NKAIN2: variants seen among roughly 807,000 people sequenced by gnomAD.
NKAIN2 encodes sodium/potassium transporting ATPase interacting 2, also known as sodium/potassium-transporting ATPase subunit beta-1-interacting protein 2.
NKAIN2 carries 14 observed loss-of-function variants against 32.6 expected under a neutral mutation model. The ratio of observed to expected loss-of-function variants is 0.43; its 90% CI spans 0.28 to 0.67. The LOEUF (loss-of-function observed/expected upper bound fraction) is 0.67, where lower values mean the gene tolerates loss of function less well. Among genes scored for constraint, NKAIN2 ranks in the 30% least tolerant of loss-of-function variants. NKAIN2 has a pLI of 0.17. For synonymous variants in NKAIN2, 80 were observed against 87.2 expected (o/e 0.92, Z 0.46); for missense variants, 198 against 258.3 (o/e 0.77, Z 1.60).
At chr6:124,661,820 G>C (rs1465409213) in intron 4 of NKAIN2, among the ~76,000 whole-genome samples, 1 of 152,166 alleles carries the variant, frequency 6.6e-6, no homozygotes, top group Non-Finnish European at 1.5e-5. Context: ...TAAAATAAAT[G>C]TATGTGGGGA....
At position 124,501,519 on chromosome 6, in the gene NKAIN2, G is replaced by A. The variant is rs377309400; in HGVS notation, c.273+146172G>A. Among the ~76,000 whole-genome samples, 35 of 152,236 alleles carry A rather than the reference G, an allele frequency of 2.3e-4. No homozygotes were observed. The South Asian group carries it at 6.0e-3, about 26-fold the overall frequency. Reference sequence around the variant, plus strand: ...CCTACTGTAGCGTGGAAGGTAGTTCGGTCCACTATCCCTCAGCCCCTAACT... The same window carrying A: ...CCTACTGTAGCGTGGAAGGTAGTTCAGTCCACTATCCCTCAGCCCCTAACT... On this transcript the variant is annotated intron_variant, in intron 3 of 6. Transcript: ENST00000368417.
rs574009011 is a variant in NKAIN2 at position 124,147,575 on chromosome 6, A to G, written c.55-135430A>G. Among the ~76,000 whole-genome samples, 79 of 152,276 alleles carry G rather than the reference A, an allele frequency of 5.2e-4. 2 individuals carry two copies. In the South Asian group the frequency reaches 0.016, roughly 32 times the overall value. Reference sequence around the variant, plus strand: ...TTGAGAGTTGATTAAACAGCCTTATATGTTTTGCAATTTAATTAGGTAATG... The same window carrying G: ...TTGAGAGTTGATTAAACAGCCTTATGTGTTTTGCAATTTAATTAGGTAATG... On this transcript the variant is annotated intron_variant, in intron 1 of 6. Transcript: ENST00000368417.
chr6:124,804,008 A>T (rs1335715652), intron 5 of NKAIN2, among the ~76,000 whole-genome samples: 1 of 152,140 alleles, frequency 6.6e-6, no homozygotes, highest in Non-Finnish European at 1.5e-5. Flanking sequence ...TCCTCACTTT[A>T]CAGAGGAAGA....
intron 3 of NKAIN2, among the ~76,000 whole-genome samples, chr6:124,401,780 T>C (rs930079202): frequency 7.2e-5 from 11 of 152,158 alleles, no homozygotes; most frequent in Admixed American, 6.5e-4. Flanking sequence ...ATTTTTGTAT[T>C]CAGTGCTTTA....
chr6:124,768,897 A>T (rs954193692), intron 4 of NKAIN2, among the ~76,000 whole-genome samples: 1 of 152,190 alleles, frequency 6.6e-6, no homozygotes, highest in Non-Finnish European at 1.5e-5. Context: ...CCCATTTTAT[A>T]GTGTCACATT....
At chr6:124,225,720 A>G (rs923120211) in intron 1 of NKAIN2, among the ~76,000 whole-genome samples, 2 of 152,066 alleles carry the variant, frequency 1.3e-5, no homozygotes, top group African/African-American at 4.8e-5. Context: ...TGTATAATAT[A>G]CCTATAAAAA....
At chr6:124,818,563 C>A in intron 6 of NKAIN2, 95 bp downstream of exon 6, 1 of 528,308 alleles carries the variant, frequency 1.9e-6, no homozygotes, top group Non-Finnish European at 3.5e-6. Flanking sequence ...AGCTTTTGTT[C>A]AGTTATATTT....
At chr6:124,522,345 G>A (rs940200764) in intron 3 of NKAIN2, among the ~76,000 whole-genome samples, 5 of 152,028 alleles carry the variant, frequency 3.3e-5, no homozygotes, top group Non-Finnish European at 4.4e-5. Context: ...CACACTCTTC[G>A]TTATACACAT....
intron 3 of NKAIN2, among the ~76,000 whole-genome samples, chr6:124,601,224 A>G (rs17052140): frequency 0.027 from 4,161 of 152,154 alleles, 210 homozygotes; most frequent in African/African-American, 0.095. Flanking sequence ...TGTTAGCTTC[A>G]CGGCTTCCAT....
At chr6:124,555,140 T>C (rs188906116) in intron 3 of NKAIN2, among the ~76,000 whole-genome samples, 6 of 152,310 alleles carry the variant, frequency 3.9e-5, no homozygotes, top group African/African-American at 1.4e-4. Context: ...TTCTAGGCCC[T>C]TCCTGGGCTA....
intron 3 of NKAIN2, among the ~76,000 whole-genome samples, chr6:124,367,074 G>T (rs1165918743): frequency 6.6e-6 from 1 of 151,888 alleles, no homozygotes; most frequent in Non-Finnish European, 1.5e-5. Flanking sequence ...TTTGCTAAAA[G>T]ACCACACATC....
intron 1 of NKAIN2, among the ~76,000 whole-genome samples, chr6:123,960,308 A>G (rs189908716): frequency 1.3e-5 from 2 of 152,212 alleles, no homozygotes; most frequent in African/African-American, 4.8e-5. Context: ...CCACCATTGC[A>G]TTTGTGCCCA....
intron 1 of NKAIN2, among the ~76,000 whole-genome samples, chr6:123,997,838 C>T (rs1779697061): frequency 6.6e-6 from 1 of 151,916 alleles, no homozygotes; most frequent in Non-Finnish European, 1.5e-5. Flanking sequence ...CTTCTGACCT[C>T]GTGATCCTCC....
chr6:124,433,629 C>A (rs1004365460), intron 3 of NKAIN2, among the ~76,000 whole-genome samples: 2 of 152,156 alleles, frequency 1.3e-5, no homozygotes, highest in Non-Finnish European at 2.9e-5. Context: ...CAGCTCCTAT[C>A]ACTGACAGCC....
At chr6:124,218,677 T>C (rs916482774) in intron 1 of NKAIN2, among the ~76,000 whole-genome samples, 3 of 152,206 alleles carry the variant, frequency 2.0e-5, no homozygotes, top group African/African-American at 2.4e-5. Flanking sequence ...GAGAGTTGAT[T>C]TGTTCTGACA....
chr6:124,665,281 A>C (rs563943531), intron 4 of NKAIN2, among the ~76,000 whole-genome samples: 2 of 152,242 alleles, frequency 1.3e-5, no homozygotes, highest in East Asian at 3.8e-4. Flanking sequence ...GCAGTAATTG[A>C]AACAGTATGG....
chr6:124,464,672 T>C (rs1368927435), intron 3 of NKAIN2, among the ~76,000 whole-genome samples: 2 of 152,096 alleles, frequency 1.3e-5, no homozygotes, highest in African/African-American at 4.8e-5. Flanking sequence ...GATCTCATGA[T>C]TGTAGATGTG....
chr6:124,282,905 A>C, intron 1 of NKAIN2, 100 bp from the exon 2 acceptor site: 1 of 993,834 alleles, frequency 1.0e-6, no homozygotes, highest in East Asian at 2.4e-5. Context: ...TAACACAGTT[A>C]TAAGTGCTAA....
Position 124,028,341 on chromosome 6 carries a change from G to T in NKAIN2, c.54+224087G>T, listed in dbSNP as rs575463678. Among the ~76,000 whole-genome samples, 4 of 145,300 alleles carry T rather than the reference G, an allele frequency of 2.8e-5. No homozygotes were observed. In the East Asian group the frequency reaches 8.5e-4, roughly 31 times the overall value. On this transcript the variant is annotated intron_variant, in intron 1 of 6. Coordinates refer to ENST00000368417, the MANE Select transcript of NKAIN2 (RefSeq NM_001040214.3). ...GGAGTGAAATGCAACTTGATCCATT[G>T]TGTTCAATGTTCAAGAACAGAAGCA... is the stretch of plus-strand genomic sequence containing the variant.
Sources: gnomAD v4.1 joint callset for allele counts (sites outside exome capture counted in the v4.1 genomes callset) on GRCh38, gnomAD v4.1.1 for gene constraint, MANE v1.5 for transcripts, NCBI Gene and HGNC (gene_info 2026-07-23, HGNC 2026-07-21) for gene names.